The following CCDC181 variants were observed in gnomAD, a reference collection of about 807,000 sequenced individuals.
The protein encoded by CCDC181 is coiled-coil domain-containing protein 181.
A neutral mutation model predicts 58.7 loss-of-function variants in CCDC181; 35 were observed. The ratio of observed to expected loss-of-function variants is 0.60; its 90% CI spans 0.46 to 0.79. The LOEUF (loss-of-function observed/expected upper bound fraction) is 0.79. CCDC181 is among the 30% of genes least tolerant of loss of function. The pLI, the probability that CCDC181 is intolerant of heterozygous loss-of-function variation, is 0.00. For synonymous variants in CCDC181, 183 were observed against 197.5 expected (o/e 0.93, Z 0.62); for missense variants, 517 against 583.9 (o/e 0.89, Z 1.18).
At chr1:169,444,621 G>T (rs746732097) in intron 2 of CCDC181, among the ~76,000 whole-genome samples, 1 of 152,106 alleles carries the variant, frequency 6.6e-6, no homozygotes, top group Admixed American at 6.6e-5. Flanking sequence ...TAAAAATTGG[G>T]ATTTTTTTAA....
At position 169,439,189 on chromosome 1, in the gene CCDC181, C is replaced by T. The variant is rs201843453; in HGVS notation, c.-23-14239G>A. On this transcript the variant is annotated intron_variant, in intron 2 of 6. Coordinates refer to the CCDC181 transcript ENST00000545005. ...TGCATTGGGGCTATGGACAGACACC[C>T]CACCATGGGGCTACAAGACCAGTTG... is the stretch of plus-strand genomic sequence containing the variant. Among the ~76,000 whole-genome samples the T allele has an allele frequency of 3.3e-5, 5 of 152,024 alleles. No homozygotes were observed. In the South Asian group the frequency reaches 6.2e-4, roughly 19 times the overall value.
chr1:169,403,368 C>A lies in CCDC181; in HGVS notation c.1216-5977G>T, dbSNP rs561083949. ...TCAACAGAATATACATTCTTCTCAG[C>A]ACCACATCACACTTATTCCAAAATT... On this transcript the variant is annotated intron_variant, in intron 4 of 5. Transcript: ENST00000367806. Among the ~76,000 whole-genome samples the A allele has an allele frequency of 2.0e-5, 3 of 152,352 alleles. No individual in the cohort carries two copies. The East Asian group carries it at 5.8e-4, about 29-fold the overall frequency.
At chr1:169,438,995 T>A (rs1226399263) in intron 2 of CCDC181, among the ~76,000 whole-genome samples, 2 of 152,180 alleles carry the variant, frequency 1.3e-5, no homozygotes, top group Non-Finnish European at 2.9e-5. Context: ...ATCTTCCTGA[T>A]GGAGAAGTCT....
intron 2 of CCDC181, among the ~76,000 whole-genome samples, chr1:169,454,859 C>T (rs925357848): frequency 1.7e-4 from 26 of 151,742 alleles, no homozygotes; most frequent in African/African-American, 5.1e-4. Flanking sequence ...AAGTTTTATC[C>T]ATTATGTGTG....
At chr1:169,395,234 G>T (rs375246077) in intron 5 of CCDC181, 28 bp from the exon 6 acceptor site, 12 of 1,595,056 alleles carry the variant, frequency 7.5e-6, no homozygotes, top group Non-Finnish European at 1.0e-5. Context: ...ATCAGATTTG[G>T]TGAGTATCAA....
intron 2 of CCDC181, among the ~76,000 whole-genome samples, chr1:169,433,542 G>A (rs974221091): frequency 6.6e-6 from 1 of 151,948 alleles, no homozygotes; most frequent in African/African-American, 2.4e-5. Context: ...TTACTATAAA[G>A]CTAAAATAAT....
At chr1:169,400,730 T>C (rs1382826349) in intron 4 of CCDC181, among the ~76,000 whole-genome samples, 2 of 152,212 alleles carry the variant, frequency 1.3e-5, no homozygotes, top group Non-Finnish European at 2.9e-5. Flanking sequence ...AGCTCCAGTC[T>C]ATAGCTCCCA....
intron 4 of CCDC181, among the ~76,000 whole-genome samples, chr1:169,398,774 G>A (rs145336369): frequency 2.0e-3 from 304 of 152,340 alleles, no homozygotes; most frequent in Non-Finnish European, 2.9e-3. Context: ...ATTGGACAGT[G>A]TTCTGCACAG....
chr1:169,432,140 CA>C (rs1230442361), upstream of CCDC181, among the ~76,000 whole-genome samples: 1 of 151,752 alleles, frequency 6.6e-6, no homozygotes, highest in Non-Finnish European at 1.5e-5. Context: ...ATGGAAATAT[CA>C]ATAAATTGAA....
Position 169,402,038 on chromosome 1 carries a change from G to C in CCDC181, c.1216-4647C>G, listed in dbSNP as rs111887035. 3.3e-5 allele frequency among the ~76,000 whole-genome samples: 5 copies of C among 152,274 alleles called. 1 individual carries two copies. Among genetic ancestry groups the C allele is most frequent in the African/African-American group, 1.2e-4 (5 of 41,556 alleles). On this transcript the variant is annotated intron_variant, in intron 4 of 5. Coordinates refer to ENST00000367806, the MANE Select transcript of CCDC181 (RefSeq NM_001300969.2). ...AACCTTCAGTAGCCAATTTGATCAA[G>C]TGGAAGAAAGGGTATCTGTGATTGA...
At chr1:169,455,007 G>A (rs979704930) in intron 2 of CCDC181, among the ~76,000 whole-genome samples, 1 of 151,698 alleles carries the variant, frequency 6.6e-6, no homozygotes, top group Non-Finnish European at 1.5e-5. Flanking sequence ...AAATGCTACT[G>A]TATGCAATTA....
At chr1:169,406,727 T>C (rs1655678282) in intron 4 of CCDC181, among the ~76,000 whole-genome samples, 1 of 151,714 alleles carries the variant, frequency 6.6e-6, no homozygotes, top group African/African-American at 2.4e-5. Flanking sequence ...ATGGCACATG[T>C]ATACATATGT....
At chr1:169,456,608 A>G (rs1336329388) in intron 2 of CCDC181, among the ~76,000 whole-genome samples, 2 of 152,164 alleles carry the variant, frequency 1.3e-5, no homozygotes, top group East Asian at 3.9e-4. Flanking sequence ...CTTTATAATA[A>G]AAGAGAGATC....
intron 2 of CCDC181, among the ~76,000 whole-genome samples, chr1:169,441,923 G>A (rs1657239454): frequency 6.6e-6 from 1 of 151,980 alleles, no homozygotes; most frequent in Non-Finnish European, 1.5e-5. Context: ...TCTGAAATAT[G>A]ATCCCGGAAA....
chr1:169,417,585 G>A (rs1211058548), intron 4 of CCDC181, among the ~76,000 whole-genome samples: 1 of 152,022 alleles, frequency 6.6e-6, no homozygotes, highest in Non-Finnish European at 1.5e-5. Flanking sequence ...TCATCACATA[G>A]TTATTGAGAT....
At chr1:169,457,027 C>T (rs1357994561) in intron 2 of CCDC181, among the ~76,000 whole-genome samples, 1 of 152,118 alleles carries the variant, frequency 6.6e-6, no homozygotes, top group Admixed American at 6.5e-5. Flanking sequence ...TCTGGGTACA[C>T]AATTTTAGGT....
chr1:169,448,588 A>G (rs1472473423), intron 2 of CCDC181, among the ~76,000 whole-genome samples: 1 of 151,996 alleles, frequency 6.6e-6, no homozygotes, highest in Non-Finnish European at 1.5e-5. Flanking sequence ...GTGGCTTTCA[A>G]TATATTTTTG....
At chr1:169,439,786 G>T (rs56835811) in intron 2 of CCDC181, among the ~76,000 whole-genome samples, 2,169 of 152,230 alleles carry the variant, frequency 0.014, 47 homozygotes, top group African/African-American at 0.047. Context: ...AGTGATGGAG[G>T]TGGTTCTCAG....
At chr1:169,457,814 A>T (rs1657719535) in intron 2 of CCDC181, among the ~76,000 whole-genome samples, 1 of 152,192 alleles carries the variant, frequency 6.6e-6, no homozygotes, top group Non-Finnish European at 1.5e-5. Flanking sequence ...ACAATATTCC[A>T]AGTCAACAAC....
Sources: gnomAD v4.1 joint callset for allele counts (sites outside exome capture counted in the v4.1 genomes callset) on GRCh38, gnomAD v4.1.1 for gene constraint, MANE v1.5 for transcripts, NCBI Gene and HGNC (gene_info 2026-07-23, HGNC 2026-07-21) for gene names.